The following RPS6KA2 variants were observed in gnomAD, a reference collection of about 807,000 sequenced individuals.
RPS6KA2 encodes ribosomal protein S6 kinase alpha-2.
RPS6KA2 carries 42 observed loss-of-function variants against 91.8 expected under a neutral mutation model. That is an observed-to-expected ratio of 0.46 (90% confidence interval 0.36 to 0.59). The LOEUF (loss-of-function observed/expected upper bound fraction) is 0.59. RPS6KA2 is among the 20% of genes least tolerant of loss of function. The pLI, the probability that RPS6KA2 is intolerant of heterozygous loss-of-function variation, is 0.00. For missense variants in RPS6KA2, 798 were observed against 978.5 expected (o/e 0.82, Z 2.46); for synonymous variants, 414 against 393.6 (o/e 1.05, Z -0.61).
At chr6:166,718,734 A>G (rs1340349194) in intron 2 of RPS6KA2, among the ~76,000 whole-genome samples, 2 of 152,234 alleles carry the variant, frequency 1.3e-5, no homozygotes, top group Non-Finnish European at 2.9e-5. Flanking sequence ...GCACATGTGC[A>G]CAGAGGTGAC....
intron 1 of RPS6KA2, among the ~76,000 whole-genome samples, chr6:166,586,833 G>A (rs1399407055): frequency 6.6e-6 from 1 of 152,230 alleles, no homozygotes; most frequent in East Asian, 1.9e-4. Flanking sequence ...CCAGGGCAGA[G>A]GGAGCCAACA....
chr6:166,605,627 C>T (rs1331162597), intron 1 of RPS6KA2, among the ~76,000 whole-genome samples: 1 of 152,094 alleles, frequency 6.6e-6, no homozygotes. Flanking sequence ...AATAAATTAA[C>T]ATGTAGAGTA....
intron 10 of RPS6KA2, among the ~76,000 whole-genome samples, chr6:166,483,279 G>A (rs1393155212): frequency 6.6e-6 from 1 of 152,198 alleles, no homozygotes; most frequent in Admixed American, 6.5e-5. Context: ...GCCCATGGCT[G>A]TGCAGCTGGC....
At chr6:166,431,693 T>G (rs1779137446) in intron 15 of RPS6KA2, among the ~76,000 whole-genome samples, 1 of 152,054 alleles carries the variant, frequency 6.6e-6, no homozygotes, top group Admixed American at 6.5e-5. Context: ...CTCGGTTCAG[T>G]GCAACCTCCA....
At chr6:166,802,965 A>T (rs920061160) in intron 2 of RPS6KA2, among the ~76,000 whole-genome samples, 4 of 150,068 alleles carry the variant, frequency 2.7e-5, no homozygotes, top group Admixed American at 6.6e-5. Flanking sequence ...TATATATATA[A>T]AATGATTAAA....
rs774396701 is a variant in RPS6KA2, at chr6:166,423,310, C to T, written c.1689G>A (p.Ala563=). 8.7e-6 allele frequency: 14 copies of T among 1,614,022 alleles called. No homozygotes were observed. The highest frequency in any genetic ancestry group is 1.7e-4 in the Middle Eastern group (1 of 6,058). ...AGGGTGTCATGAGCAGCCCGTTCCC[C>T]GCGCGCAGCTGCTTGGCAAAGCCGA... is the stretch of plus-strand genomic sequence containing the variant. ...CDFGFAKQLR[A]GNGLLMTPCY... is the part of the protein sequence containing the mutation. The change falls in exon 17 of 21, where the codon GCG becomes GCA. Residue 563 remains alanine, a synonymous_variant. Coordinates refer to ENST00000265678, the MANE Select transcript of RPS6KA2 (RefSeq NM_021135.6). The surrounding 1 kb of genome is among the most constrained non-coding windows in gnomAD (Gnocchi z 4.8).
At chr6:166,836,247 C>T (rs572069515) in intron 2 of RPS6KA2, among the ~76,000 whole-genome samples, 4 of 152,002 alleles carry the variant, frequency 2.6e-5, no homozygotes, top group South Asian at 2.1e-4. Flanking sequence ...GTTTTAGTAT[C>T]GGGGTAATTT....
In RPS6KA2 at chr6:166,843,964, A is replaced by C. The variant is rs139958053; in HGVS notation, c.123+14236T>G. On this transcript the variant is annotated intron_variant, in intron 2 of 21. Transcript: ENST00000503859. ...AAAGAATTCAGAAGGTCAATTATTA[A>C]GCTACTTAAGGAGGCACCAGAGAAA... 9.9e-3 allele frequency among the ~76,000 whole-genome samples: 1,514 copies of C among 152,258 alleles called. 25 individuals carry two copies. Among genetic ancestry groups the C allele is most frequent in the African/African-American group, 0.034 (1,428 of 41,546 alleles).
intron 2 of RPS6KA2, among the ~76,000 whole-genome samples, chr6:166,703,980 C>G (rs991067287): frequency 6.6e-6 from 1 of 152,192 alleles, no homozygotes; most frequent in African/African-American, 2.4e-5. Context: ...CAGCTGCTGT[C>G]TTCAGAAGAG....
chr6:166,417,430 T>C (rs1778571763), intron 19 of RPS6KA2, among the ~76,000 whole-genome samples: 1 of 152,184 alleles, frequency 6.6e-6, no homozygotes, highest in Admixed American at 6.5e-5. Context: ...ATCCAATCAG[T>C]GGAAGGCCTC....
chr6:166,768,290 T>G (rs1303149807), intron 2 of RPS6KA2, among the ~76,000 whole-genome samples: 2 of 152,200 alleles, frequency 1.3e-5, no homozygotes, highest in Non-Finnish European at 2.9e-5. Flanking sequence ...TTTCTAAAAG[T>G]GATTTTTTTA....
At chr6:166,518,433 AC>A (rs1782735901) in intron 3 of RPS6KA2, among the ~76,000 whole-genome samples, 1 of 152,070 alleles carries the variant, frequency 6.6e-6, no homozygotes, top group South Asian at 2.1e-4. Flanking sequence ...TAAAAGGCAA[AC>A]AAAAAAATAT....
intron 2 of RPS6KA2, among the ~76,000 whole-genome samples, chr6:166,646,822 T>C (rs1787618509): frequency 6.6e-6 from 1 of 152,210 alleles, no homozygotes; most frequent in Admixed American, 6.5e-5. Context: ...CCTGCTCCAT[T>C]CTAATTCAGG....
chr6:166,451,317 A>T, intron 12 of RPS6KA2, 84 bp from the exon 13 acceptor site: 1 of 1,430,186 alleles, frequency 7.0e-7, no homozygotes, highest in Non-Finnish European at 9.6e-7. Context: ...TGCATGTGGT[A>T]TGTGTGTGCA....
At chr6:166,858,058 G>T in intron 2 of RPS6KA2, 1 of 682,268 alleles carries the variant, frequency 1.5e-6, no homozygotes. Flanking sequence ...ACACGTTTGT[G>T]CATGTGTATG....
At chr6:166,525,361 A>T (rs1782988248) in intron 3 of RPS6KA2, among the ~76,000 whole-genome samples, 1 of 152,190 alleles carries the variant, frequency 6.6e-6, no homozygotes, top group African/African-American at 2.4e-5. Context: ...TACTGGGGCG[A>T]CAGGCAGCAC....
At chr6:166,742,452 G>A (rs1311805070) in intron 2 of RPS6KA2, among the ~76,000 whole-genome samples, 1 of 152,204 alleles carries the variant, frequency 6.6e-6, no homozygotes, top group Admixed American at 6.5e-5. Context: ...AGGAGAAAAT[G>A]CATTTGCGTG....
In RPS6KA2 at chr6:166,639,246, C is replaced by T. The variant is rs144334283; in HGVS notation, c.124-100462G>A. On this transcript the variant is annotated intron_variant, in intron 2 of 21. Transcript: ENST00000503859. This position sits in a 1 kb window ranked among gnomAD's most constrained non-coding sequence, Gnocchi z 4.2. Reference sequence around the variant, plus strand: ...CAAGGCATAACCATGTGCCCCGCTGCCCAAACCAGAAGGTAAGACTTACCG... The same window carrying T: ...CAAGGCATAACCATGTGCCCCGCTGTCCAAACCAGAAGGTAAGACTTACCG... Among the ~76,000 whole-genome samples the T allele has an allele frequency of 7.2e-5, 11 of 152,168 alleles. No individual in the cohort carries two copies. In the East Asian group the frequency reaches 1.9e-3, roughly 27 times the overall value.
chr6:166,831,399 T>C (rs1297137956), intron 2 of RPS6KA2, among the ~76,000 whole-genome samples: 1 of 152,046 alleles, frequency 6.6e-6, no homozygotes. Flanking sequence ...CAACTTGAAT[T>C]TGCCCTTCCT....
Sources: gnomAD v4.1 joint callset for allele counts (sites outside exome capture counted in the v4.1 genomes callset) on GRCh38, gnomAD v4.1.1 for gene constraint, Gnocchi (gnomAD v3.1) non-coding constraint, MANE v1.5 for transcripts, NCBI Gene and HGNC (gene_info 2026-07-23, HGNC 2026-07-21) for gene names.